The following ADGRV1 variants were observed in gnomAD, a reference collection of about 807,000 sequenced individuals.
The protein encoded by ADGRV1 is adhesion G protein-coupled receptor V1.
A neutral mutation model predicts 596.2 loss-of-function variants in ADGRV1; 359 were observed. The observed-to-expected ratio is 0.60, with a 90% CI of 0.55 to 0.66. ADGRV1 has a LOEUF of 0.66. Ranked by LOEUF, ADGRV1 falls within the 30% of genes least tolerant of loss-of-function variation. The pLI, the probability that ADGRV1 is intolerant of heterozygous loss-of-function variation, is 0.00. For missense variants in ADGRV1, 7,274 were observed against 7,575.6 expected, an observed-to-expected ratio of 0.96 and a Z score of 1.48; for synonymous variants, 2,681 against 2,679.2, an observed-to-expected ratio of 1.00 and a Z score of -0.02.
chr5:90,863,438 A>C lies in ADGRV1; in HGVS notation c.17756-319A>C, dbSNP rs373897890. Reference sequence around the variant, plus strand: ...GCCTTTAAAATTCATAACTAACACTATTGTAATTACAGAACTATTTCTAGT... The same window carrying C: ...GCCTTTAAAATTCATAACTAACACTCTTGTAATTACAGAACTATTTCTAGT... On this transcript the variant is annotated intron_variant, in intron 82 of 89. Coordinates refer to ENST00000405460, the MANE Select transcript of ADGRV1 (RefSeq NM_032119.4). 3.6e-3 allele frequency among the ~76,000 whole-genome samples: 541 copies of C among 152,350 alleles called. 7 individuals are homozygous for C. In the South Asian group the frequency reaches 0.039, roughly 11 times the overall value.
intron 85 of ADGRV1, among the ~76,000 whole-genome samples, chr5:91,067,537 AG>A (rs1021456536): frequency 2.0e-5 from 3 of 152,162 alleles, no homozygotes; most frequent in African/African-American, 7.2e-5. Flanking sequence ...AACCTCCCAA[AG>A]GTTCACATTG....
chr5:90,853,599 G>A (rs1766744161), intron 80 of ADGRV1, 66 bp downstream of exon 80: 16 of 1,467,326 alleles, frequency 1.1e-5, no homozygotes, highest in Non-Finnish European at 1.1e-5. Flanking sequence ...GGCACACTTG[G>A]AATGCATTTG....
chr5:90,907,088 TTTAAA>T lies in ADGRV1; in HGVS notation c.17856+43236_17856+43240del, dbSNP rs1205424092. On this transcript the variant is annotated intron_variant, in intron 83 of 89. Coordinates refer to ENST00000405460, the MANE Select transcript of ADGRV1 (RefSeq NM_032119.4). ...TATATGAAATATAACTCAGGAATAG[TTTAAA>T]TTAATCCACATATTTGTTATTATGG... Among the ~76,000 whole-genome samples the T allele has an allele frequency of 5.3e-5, 8 of 152,260 alleles. No individual in the cohort carries two copies. In the South Asian group the frequency reaches 1.5e-3, roughly 28 times the overall value.
At position 90,761,945 on chromosome 5, in the gene ADGRV1, A is replaced by ACAATATT. The variant is rs1218563206; in HGVS notation, c.12121-1359_12121-1353dup. On this transcript the variant is annotated intron_variant, in intron 58 of 89. Coordinates refer to ENST00000405460, the MANE Select transcript of ADGRV1 (RefSeq NM_032119.4). ...TTATCTTTTAACCTTAATAAGATAT[A>ACAATATT]CAATATTGTGCACACAATAAACATT... Among the ~76,000 whole-genome samples, 115 of 152,370 alleles carry ACAATATT rather than the reference A, an allele frequency of 7.5e-4. 1 individual carries two copies. Among genetic ancestry groups the ACAATATT allele is most frequent in the African/African-American group, 2.6e-3 (110 of 41,594 alleles).
rs554904741 is a variant in ADGRV1 at position 90,898,893 on chromosome 5, C to T, written c.17856+35036C>T. Among the ~76,000 whole-genome samples the T allele has an allele frequency of 5.3e-5, 8 of 151,800 alleles. No homozygotes were observed. The East Asian group carries it at 1.2e-3, about 22-fold the overall frequency. On this transcript the variant is annotated intron_variant, in intron 83 of 89. Transcript: ENST00000405460. ...TTCAGGGGCTCGAGGCTGCAGTGAG[C>T]CATGATCACACCACTACACTCCAGC...
chr5:90,721,653 G>A (rs1751045577), intron 45 of ADGRV1, among the ~76,000 whole-genome samples: 1 of 32,772 alleles, frequency 3.1e-5, no homozygotes, highest in Admixed American at 5.8e-4. Flanking sequence ...TTTAGGGGAT[G>A]GGGGTGACAG....
intron 20 of ADGRV1, chr5:90,654,293 T>C: frequency 3.3e-6 from 1 of 306,126 alleles, no homozygotes; most frequent in South Asian, 3.4e-5. Context: ...GGGAGTGATA[T>C]TCCTGCAGAG....
At chr5:90,999,027 A>G (rs1781644858) in intron 85 of ADGRV1, among the ~76,000 whole-genome samples, 1 of 151,894 alleles carries the variant, frequency 6.6e-6, no homozygotes, top group Admixed American at 6.6e-5. Context: ...TTACTTGTTC[A>G]TCTCCCTACA....
chr5:90,958,281 C>G, intron 83 of ADGRV1, among the ~76,000 whole-genome samples: 1 of 45,372 alleles, frequency 2.2e-5, no homozygotes, highest in African/African-American at 1.2e-4. Context: ...CAGACCTTGT[C>G]TCAAAAAAAA....
chr5:90,822,471 C>G (rs958355671), intron 75 of ADGRV1, among the ~76,000 whole-genome samples: 2 of 152,120 alleles, frequency 1.3e-5, no homozygotes, highest in Non-Finnish European at 2.9e-5. Flanking sequence ...GGGCTCTGTT[C>G]TGTTCCATTG....
At chr5:91,020,380 T>C (rs988343969) in intron 85 of ADGRV1, among the ~76,000 whole-genome samples, 1 of 152,068 alleles carries the variant, frequency 6.6e-6, no homozygotes, top group African/African-American at 2.4e-5. Context: ...GCCAGATAGC[T>C]TCCATTACAT....
At chr5:90,916,266 A>T (rs891749911) in intron 83 of ADGRV1, among the ~76,000 whole-genome samples, 1 of 152,184 alleles carries the variant, frequency 6.6e-6, no homozygotes, top group Non-Finnish European at 1.5e-5. Flanking sequence ...TTAATATAAT[A>T]ATTTTTCATT....
chr5:90,838,292 A>T (rs1246691168), intron 77 of ADGRV1, among the ~76,000 whole-genome samples: 1 of 151,470 alleles, frequency 6.6e-6, no homozygotes, highest in African/African-American at 2.4e-5. Flanking sequence ...CTCCTTCCTG[A>T]AGAATGCTCT....
At chr5:90,934,394 G>C (rs1314627169) in intron 83 of ADGRV1, among the ~76,000 whole-genome samples, 1 of 152,140 alleles carries the variant, frequency 6.6e-6, no homozygotes, top group Non-Finnish European at 1.5e-5. Flanking sequence ...GGTTATTTCG[G>C]AACATTATTC....
At chr5:90,961,507 AG>A (rs35919894) in intron 83 of ADGRV1, among the ~76,000 whole-genome samples, 1 of 82,024 alleles carries the variant, frequency 1.2e-5, no homozygotes, top group Non-Finnish European at 2.2e-5. Flanking sequence ...AAAAAAAAAA[AG>A]GGGGGGTGGC....
chr5:91,150,440 C>T (rs960464697), intron 88 of ADGRV1, among the ~76,000 whole-genome samples: 1 of 152,164 alleles, frequency 6.6e-6, no homozygotes, highest in Non-Finnish European at 1.5e-5. Flanking sequence ...TAGCGTCACA[C>T]CCATTATCTA....
At position 91,034,521 on chromosome 5, in the gene ADGRV1, T is replaced by G. The variant is rs546167121; in HGVS notation, c.18153-37926T>G. Reference sequence around the variant, plus strand: ...TAAAGTCATCCTTCCATATAAATGTTTTGAGAGCTTGGCCTAATTCCTTAT... The same window carrying G: ...TAAAGTCATCCTTCCATATAAATGTGTTGAGAGCTTGGCCTAATTCCTTAT... On this transcript the variant is annotated intron_variant, in intron 85 of 89. Transcript: ENST00000405460. Among the ~76,000 whole-genome samples the G allele has an allele frequency of 5.0e-4, 76 of 152,296 alleles. 1 individual carries two copies. The highest frequency in any genetic ancestry group is 1.7e-3 in the African/African-American group (72 of 41,552).
At chr5:91,147,127 C>T (rs1795606801) in intron 87 of ADGRV1, among the ~76,000 whole-genome samples, 1 of 147,302 alleles carries the variant, frequency 6.8e-6, no homozygotes, top group Non-Finnish European at 1.5e-5. Flanking sequence ...GATTGCACCA[C>T]TGCACTCCAA....
At chr5:90,847,985 G>A (rs545657681) in intron 78 of ADGRV1, among the ~76,000 whole-genome samples, 3 of 152,270 alleles carry the variant, frequency 2.0e-5, no homozygotes, top group African/African-American at 7.2e-5. Context: ...GAGAGTGAGC[G>A]AGGGCTGTGA....
Sources: gnomAD v4.1 joint callset for allele counts (sites outside exome capture counted in the v4.1 genomes callset) on GRCh38, gnomAD v4.1.1 for gene constraint, MANE v1.5 for transcripts, NCBI Gene and HGNC (gene_info 2026-07-23, HGNC 2026-07-21) for gene names.